Variants in ZNF439 observed in about 807,000 individuals in gnomAD.
ZNF439 encodes the protein zinc finger protein 439.
In ZNF439, 40 loss-of-function variants were observed where a neutral mutation model predicts 47.3. That is an observed-to-expected ratio of 0.85 (90% confidence interval 0.66 to 1.10). The LOEUF (loss-of-function observed/expected upper bound fraction) is 1.10. Ranked by LOEUF, ZNF439 falls within the 50% of genes least tolerant of loss-of-function variation. The pLI is 0.00. For missense variants in ZNF439, 556 were observed against 601.1 expected (o/e 0.93, Z 0.78); for synonymous variants, 171 against 198.8 (o/e 0.86, Z 1.18).
At position 11,867,705 on chromosome 19, in the gene ZNF439, A is replaced by C. The variant is rs769169207; in HGVS notation, c.651A>C (p.Gly217=). The C allele has an allele frequency of 6.9e-5, 112 of 1,614,080 alleles. No individual in the cohort carries two copies. The highest frequency in any genetic ancestry group is 3.3e-4 in the Middle Eastern group (2 of 6,084). ...QRHMVVHSGD[G]PYKCKFCGKA... is the part of the protein sequence containing the mutation. ...ACATGGTAGTGCACAGTGGGGATGGACCTTATAAATGTAAGTTTTGTGGGA... is the reference window on the plus strand; with the variant it reads ...ACATGGTAGTGCACAGTGGGGATGGCCCTTATAAATGTAAGTTTTGTGGGA... The change falls in exon 4 of 4, where the codon GGA becomes GGC. Residue 217 remains glycine (G), a synonymous_variant. Coordinates refer to ENST00000682736, the MANE Select transcript of ZNF439 (RefSeq NM_001348719.2).
chr19:11,867,675 A>C lies in ZNF439; in HGVS notation c.621A>C (p.Gln207His). Reference protein sequence around the residue: ...GKNIIYHSSIQRHMVVHSGDG... With the variant: ...GKNIIYHSSIHRHMVVHSGDG... ...ACATTATTTACCATTCAAGCATTCA[A>C]AGACACATGGTAGTGCACAGTGGGG... Residue 207 changes from glutamine (Q) to histidine (H), a missense_variant, in exon 4 of 4, where the codon CAA (glutamine) becomes CAC (histidine). Coordinates refer to ENST00000682736, the MANE Select transcript of ZNF439 (RefSeq NM_001348719.2). 2.5e-6 allele frequency: 4 copies of C among 1,614,194 alleles called. No homozygotes were observed. Among genetic ancestry groups the C allele is most frequent in the Non-Finnish European group, 3.4e-6 (4 of 1,180,030 alleles).
At chr19:11,860,278 A>G (rs1658746787) in intron 1 of ZNF439, among the ~76,000 whole-genome samples, 1 of 152,152 alleles carries the variant, frequency 6.6e-6, no homozygotes, top group South Asian at 2.1e-4. Flanking sequence ...CGTCTTTACT[A>G]AAAATACAAA....
intron 1 of ZNF439, chr19:11,849,249 G>A (rs1599306843): frequency 7.8e-6 from 8 of 1,028,370 alleles, no homozygotes; most frequent in African/African-American, 5.2e-5. Flanking sequence ...GATTTCGTCC[G>A]TAGGAGGAGC....
chr19:11,855,939 A>G, intron 1 of ZNF439: 1 of 152,176 alleles, frequency 6.6e-6, no homozygotes, highest in East Asian at 1.9e-4. Flanking sequence ...GACCAAGCCC[A>G]TTGTTGGCCA....
chr19:11,866,446 G>A, intron 2 of ZNF439, 91 bp from the exon 3 acceptor site: 1 of 1,601,940 alleles, frequency 6.2e-7, no homozygotes, highest in Non-Finnish European at 8.5e-7. Flanking sequence ...AATAAATGAG[G>A]CATGGCTGCT....
intron 1 of ZNF439, among the ~76,000 whole-genome samples, chr19:11,863,000 C>T (rs1056788919): frequency 9.9e-5 from 15 of 151,964 alleles, no homozygotes; most frequent in African/African-American, 1.4e-4. Context: ...CCACCTGCCT[C>T]GGCCTCCCAA....
intron 1 of ZNF439, 65 bp downstream of exon 1, chr19:11,848,995 C>A: frequency 6.9e-7 from 1 of 1,453,380 alleles, no homozygotes; most frequent in Non-Finnish European, 9.2e-7. Flanking sequence ...GGGACCCGGG[C>A]CTCCCTGTGG....
intron 1 of ZNF439, chr19:11,851,181 A>G (rs1976229686): frequency 6.6e-6 from 1 of 152,244 alleles, no homozygotes; most frequent in African/African-American, 2.4e-5. Flanking sequence ...CTCATACAGC[A>G]AGAGGAGGAA....
rs141562312 is a variant in ZNF439, at chr19:11,868,439, G to A, written c.1385G>A (p.Arg462His). 2,123 of 1,612,762 alleles carry A rather than the reference G, an allele frequency of 1.3e-3. 34 individuals carry two copies. In the East Asian group the frequency reaches 0.033, roughly 25 times the overall value. The change falls in exon 4 of 4, where the codon CGT (arginine) becomes CAT (histidine). Residue 462 changes from arginine (R) to histidine (H), a missense_variant. By Grantham distance (29) the Arg-to-His change is conservative (BLOSUM62 0). Coordinates refer to ENST00000682736, the MANE Select transcript of ZNF439 (RefSeq NM_001348719.2). ...TCTGCCTCACAACTTCGAATCCATC[G>A]TAGGATTCACACTGGAGAGAAACCC... ...FRSASQLRIH[R>H]RIHTGEKPYE...
At chr19:11,860,330 A>T (rs1263281685) in intron 1 of ZNF439, among the ~76,000 whole-genome samples, 2 of 152,140 alleles carry the variant, frequency 1.3e-5, no homozygotes, top group African/African-American at 2.4e-5. Flanking sequence ...ATACTGCCCC[A>T]TGTTACCCTG....
At chr19:11,866,849 C>T (rs975656904) in intron 3 of ZNF439, among the ~76,000 whole-genome samples, 8 of 152,128 alleles carry the variant, frequency 5.3e-5, no homozygotes, top group African/African-American at 1.9e-4. Flanking sequence ...CGCAACATAA[C>T]AAGACCACAT....
rs547308679 is a variant in ZNF439, at chr19:11,855,116, G to A, written c.63+6186G>A. 7.9e-5 allele frequency among the ~76,000 whole-genome samples: 12 copies of A among 152,226 alleles called. No homozygotes were observed. The East Asian group carries it at 2.3e-3, about 29-fold the overall frequency. ...AGCCTGCTCCACACCAAGCAATCTG[G>A]GCAGCAGACTGGGATTGGATCCCGG... On this transcript the variant is annotated intron_variant, in intron 1 of 3. Transcript: ENST00000682736.
Position 11,866,607 on chromosome 19 carries a change from A to C in ZNF439, c.251+10A>C. The C allele has an allele frequency of 6.2e-7, 1 of 1,612,022 alleles. No homozygotes were observed. The highest frequency in any genetic ancestry group is 8.5e-7 in the Non-Finnish European group (1 of 1,178,280). ...CCAGGAGAAACTTCAGGTAATTTGC[A>C]CTTATAAGAGAAAGCAGTGTCTCTC... On this transcript the variant is annotated intron_variant, in intron 3 of 3. Coordinates refer to ENST00000682736, the MANE Select transcript of ZNF439 (RefSeq NM_001348719.2).
At position 11,848,922 on chromosome 19, in the gene ZNF439, C is replaced by T. The variant is rs1976147819; in HGVS notation, c.55C>T (p.Arg19Trp). 1 of 1,571,250 alleles carries T rather than the reference C, an allele frequency of 6.4e-7. No individual in the cohort carries two copies. Residue 19 changes from arginine to tryptophan, a missense_variant, in exon 1 of 4, where the codon CGG (arginine) becomes TGG (tryptophan). Transcript: ENST00000682736. ...AGAGGACCCCGGTACATCTGAAAGCCGGGAAATGGTGCGTGTGCTGGCCGG... is the reference window on the plus strand; with the variant it reads ...AGAGGACCCCGGTACATCTGAAAGCTGGGAAATGGTGCGTGTGCTGGCCGG... ...CREDPGTSES[R>W]EMDPVAFKDV...
chr19:11,849,166 G>A lies in ZNF439; in HGVS notation c.63+236G>A, dbSNP rs1471296391. On this transcript the variant is annotated intron_variant, in intron 1 of 3. Transcript: ENST00000682736. ...CCCCGAAGCCCTTTTGTGCAGCTCC[G>A]CGCCCGCAGCCCGACGCCCCAGCTT... The A allele has an allele frequency of 7.4e-6, 8 of 1,086,804 alleles. No individual in the cohort carries two copies. The East Asian group carries it at 4.6e-4, about 63-fold the overall frequency. 67.3% of individuals were successfully genotyped at this position (1,086,804 alleles called of 1,614,324 possible). A position where few individuals can be genotyped will look rare whatever the true frequency, so the allele number is the denominator to read the frequency against.
At position 11,855,857 on chromosome 19, in the gene ZNF439, C is replaced by T. The variant is rs73924865; in HGVS notation, c.63+6927C>T. 7.3e-3 allele frequency among the ~76,000 whole-genome samples: 1,107 copies of T among 152,264 alleles called. 6 individuals carry two copies. The highest frequency in any genetic ancestry group is 0.026 in the African/African-American group (1,060 of 41,560). ...GTCCCCAGGTTATGGGGGTTGATGT[C>T]GTTGTGACTCCGGTCAGCCTTCTCT... On this transcript the variant is annotated intron_variant, in intron 1 of 3. Coordinates refer to ENST00000682736, the MANE Select transcript of ZNF439 (RefSeq NM_001348719.2).
At chr19:11,864,603 G>A (rs561486045) in intron 1 of ZNF439, among the ~76,000 whole-genome samples, 7 of 152,032 alleles carry the variant, frequency 4.6e-5, no homozygotes, top group East Asian at 1.9e-4. Context: ...GGCTGCTACC[G>A]TGATTTGTTA....
chr19:11,858,170 A>T (rs2551860), intron 1 of ZNF439: 33,456 of 152,040 alleles, frequency 0.22, 4,432 homozygotes, highest in Non-Finnish European at 0.3. Flanking sequence ...TAGTAAAGAA[A>T]GGTCTATGCC....
At position 11,848,942 on chromosome 19, in the gene ZNF439, G is replaced by A. The variant is rs994445163; in HGVS notation, c.63+12G>A. On this transcript the variant is annotated intron_variant, in intron 1 of 3. Transcript: ENST00000682736. ...AAAGCCGGGAAATGGTGCGTGTGCT[G>A]GCCGGGAGTGGTGCGATGGGGGAGG... 6 of 1,554,564 alleles carry A rather than the reference G, an allele frequency of 3.9e-6. No individual in the cohort carries two copies. In the Admixed American group the frequency reaches 6.9e-5, roughly 18 times the overall value.
Sources: gnomAD v4.1 joint callset for allele counts (sites outside exome capture counted in the v4.1 genomes callset) on GRCh38, gnomAD v4.1.1 for gene constraint, MANE v1.5 for transcripts, NCBI Gene and HGNC (gene_info 2026-07-23, HGNC 2026-07-21) for gene names.